The following TNS1 variants were observed in gnomAD, a reference collection of about 807,000 sequenced individuals.
TNS1 encodes the protein tensin 1.
TNS1 carries 62 observed loss-of-function variants against 168.6 expected under a neutral mutation model. The observed-to-expected ratio is 0.37, with a 90% CI of 0.30 to 0.45. The LOEUF is 0.45. TNS1 is among the 20% of genes least tolerant of loss of function. TNS1 has a pLI of 1.00. For synonymous variants in TNS1, 934 were observed against 933.2 expected (o/e 1.00, Z -0.02); for missense variants, 2,240 against 2,339.4 (o/e 0.96, Z 0.88).
At chr2:217,851,699 C>A (rs1236307117) in intron 18 of TNS1, among the ~76,000 whole-genome samples, 1 of 152,200 alleles carries the variant, frequency 6.6e-6, no homozygotes, top group Non-Finnish European at 1.5e-5. Flanking sequence ...TGTGCCTAGA[C>A]CCCTAAAGGC....
chr2:217,964,118 C>CA (rs1430466446), intron 3 of TNS1, among the ~76,000 whole-genome samples: 1 of 152,182 alleles, frequency 6.6e-6, no homozygotes, highest in Non-Finnish European at 1.5e-5. Flanking sequence ...TAAAGCAAAA[C>CA]ATGACAAGCC....
At position 217,813,387 on chromosome 2, in the gene TNS1, T is replaced by G. The variant is rs75274377; in HGVS notation, c.4862-80A>C. On this transcript the variant is annotated intron_variant, in intron 26 of 32. Transcript: ENST00000682258. The surrounding 1 kb of genome is among the most constrained non-coding windows in gnomAD (Gnocchi z 4.0). ...CACCTCCCAAGACTGCTTCAAAACT[T>G]CCGCAGTGTGCGGGGCCAAGATGGG... The G allele has an allele frequency of 4.8e-3, 5,908 of 1,241,702 alleles. 209 individuals are homozygous for G. In the African/African-American group the frequency reaches 0.079, roughly 17 times the overall value. The allele number at this position is 1,241,702 out of a possible 1,614,324, so 76.9% of individuals were successfully genotyped here. A position where few individuals can be genotyped will look rare whatever the true frequency, so the allele number is the denominator to read the frequency against.
chr2:217,848,435 A>G lies in TNS1; in HGVS notation c.2082T>C (p.Pro694=), dbSNP rs1385081216. ...TGGGGGCCGTGTGGCCAGCATGGGC[A>G]GGCCCCGCCCGGCTGGCAGACTCGT... ...YPYESASRAG[P]AHAGHTAPMR... The change falls in exon 19 of 33, where the codon CCT becomes CCC. Residue 694 remains proline, a synonymous_variant. Coordinates refer to ENST00000682258, the MANE Select transcript of TNS1 (RefSeq NM_001387777.1). 1 of 1,609,938 alleles carries G rather than the reference A, an allele frequency of 6.2e-7. No homozygotes were observed. Among genetic ancestry groups the G allele is most frequent in the East Asian group, 2.2e-5 (1 of 44,782 alleles).
intron 3 of TNS1, among the ~76,000 whole-genome samples, chr2:217,958,786 C>A (rs1957425881): frequency 6.6e-6 from 1 of 152,216 alleles, no homozygotes; most frequent in Non-Finnish European, 1.5e-5. Flanking sequence ...TGAGGCCCAG[C>A]AGATGGTGGG....
chr2:217,874,497 C>A (rs1950049344), intron 18 of TNS1, among the ~76,000 whole-genome samples: 1 of 152,106 alleles, frequency 6.6e-6, no homozygotes. Flanking sequence ...AAACTGAGAA[C>A]CAGAGAGGGG....
Position 217,932,342 on chromosome 2 carries a change from G to A in TNS1, c.187-12106C>T, listed in dbSNP as rs569025360. 4.6e-5 allele frequency among the ~76,000 whole-genome samples: 7 copies of A among 152,288 alleles called. No individual in the cohort carries two copies. In the East Asian group the frequency reaches 5.8e-4, roughly 13 times the overall value. The stretch of plus-strand genomic sequence containing the variant: ...TTGATACCTTATTTAACTTCCCTGC[G>A]TCTCAGTTTGCCCCTCTGTAAAATG... On this transcript the variant is annotated intron_variant, in intron 3 of 32. Coordinates refer to ENST00000682258, the MANE Select transcript of TNS1 (RefSeq NM_001387777.1).
At chr2:217,850,077 C>G in intron 18 of TNS1, 1 of 985,460 alleles carries the variant, frequency 1.0e-6, no homozygotes, top group Non-Finnish European at 1.2e-6. Flanking sequence ...ACCCCTCCAC[C>G]AGCAAGCTCA....
chr2:217,883,426 G>A (rs1043062031), intron 16 of TNS1, among the ~76,000 whole-genome samples: 7 of 151,990 alleles, frequency 4.6e-5, no homozygotes, highest in African/African-American at 1.2e-4. Context: ...CACCATGCCC[G>A]GCTAATTTTT....
intron 1 of TNS1, among the ~76,000 whole-genome samples, chr2:218,026,384 G>A (rs778197527): frequency 7.2e-5 from 11 of 152,158 alleles, no homozygotes; most frequent in Non-Finnish European, 1.6e-4. Flanking sequence ...AGGCTCCCGA[G>A]GAGTGGACGA....
chr2:217,903,657 A>G, intron 6 of TNS1: 1 of 1,473,552 alleles, frequency 6.8e-7, no homozygotes, highest in Non-Finnish European at 9.2e-7. Context: ...GAAATTCGAC[A>G]GCCTCCCAGA....
chr2:217,908,993 G>C (rs1954026559), intron 4 of TNS1, among the ~76,000 whole-genome samples: 1 of 152,022 alleles, frequency 6.6e-6, no homozygotes, highest in Non-Finnish European at 1.5e-5. Context: ...ACCCACTCAG[G>C]GTAAGTCAGA....
chr2:217,952,312 A>T (rs1460462158), intron 3 of TNS1, among the ~76,000 whole-genome samples: 1 of 152,244 alleles, frequency 6.6e-6, no homozygotes, highest in Non-Finnish European at 1.5e-5. Context: ...AGGTGAAGCC[A>T]CTTGTCCAAA....
chr2:218,004,499 A>G (rs536429836), upstream of TNS1, among the ~76,000 whole-genome samples: 1 of 152,250 alleles, frequency 6.6e-6, no homozygotes, highest in East Asian at 1.9e-4. Context: ...GGGACCACCC[A>G]AGACATCTAC....
At position 217,893,449 on chromosome 2, in the gene TNS1, A is replaced by G; in HGVS notation, c.707T>C (p.Leu236Pro). 1 of 1,605,984 alleles carries G rather than the reference A, an allele frequency of 6.2e-7. No individual in the cohort carries two copies. The highest frequency in any genetic ancestry group is 8.5e-7 in the Non-Finnish European group (1 of 1,174,748). ...ACACACAGCTCTGACCTTGTTGTGT[A>G]GAACAACGACATTGTGAGGGTCTGC... ...LNADPHNVVVLHNKGNRGRIG... is the reference protein window; with the variant it reads ...LNADPHNVVVPHNKGNRGRIG... The change falls in exon 10 of 33, where the codon CTA becomes CCA. Residue 236 changes from leucine to proline, a missense_variant. Leu to Pro is a moderately conservative substitution (Grantham distance 98). Transcript: ENST00000682258.
Position 217,998,274 on chromosome 2 carries a change from ATCTC to A in TNS1, c.33+4562_33+4565del, listed in dbSNP as rs140299202. Among the ~76,000 whole-genome samples the A allele has an allele frequency of 6.1e-3, 876 of 143,602 alleles. 10 individuals are homozygous for A. The highest frequency in any genetic ancestry group is 0.021 in the African/African-American group (815 of 38,612). 94.2% of individuals were successfully genotyped at this position (143,602 alleles called of 152,430 possible). A position where few individuals can be genotyped will look rare whatever the true frequency, so the allele number is the denominator to read the frequency against. On this transcript the variant is annotated intron_variant, in intron 1 of 32. Coordinates refer to ENST00000682258, the MANE Select transcript of TNS1 (RefSeq NM_001387777.1). ...AGCGAGATGAGTTCTCTCCATCAGC[ATCTC>A]TCTCTCTCTCTCTCTCCTCCTTCCT...
At position 217,802,574 on chromosome 2, in the gene TNS1, G is replaced by A. The variant is rs533082046; in HGVS notation, c.*1885C>T. 3 of 152,258 alleles carry A rather than the reference G, an allele frequency of 2.0e-5. No homozygotes were observed. Among genetic ancestry groups the A allele is most frequent in the Admixed American group, 2.0e-4 (3 of 15,278 alleles). The allele number at this position is 152,258 out of a possible 1,614,324, so 9.4% of individuals were successfully genotyped here. On this transcript the variant is annotated 3_prime_UTR_variant, in exon 33 of 33. Coordinates refer to ENST00000682258, the MANE Select transcript of TNS1 (RefSeq NM_001387777.1). ...GTAAGGGGGCCAAAGGCTGGGACAT[G>A]TGCAACCCCTCCCAATGCTGAGCCC...
rs1036957677 is a variant in TNS1, at chr2:217,995,091, G to A, written c.34-4035C>T. Among the ~76,000 whole-genome samples, 1 of 152,170 alleles carries A rather than the reference G, an allele frequency of 6.6e-6. No individual in the cohort carries two copies. The highest frequency in any genetic ancestry group is 2.4e-5 in the African/African-American group (1 of 41,436). On this transcript the variant is annotated intron_variant, in intron 1 of 32. Coordinates refer to ENST00000682258, the MANE Select transcript of TNS1 (RefSeq NM_001387777.1). This position sits in a 1 kb window ranked among gnomAD's most constrained non-coding sequence, Gnocchi z 4.1. Reference sequence around the variant, plus strand: ...GGGTGGGACTTGCAGATGATTCAGAGAGTGGAATGAATGAGGAGACATCAC... The same window carrying A: ...GGGTGGGACTTGCAGATGATTCAGAAAGTGGAATGAATGAGGAGACATCAC...
rs1559131611 is a variant in TNS1, at chr2:217,805,475, CCACACACACCA to C, written c.5376-883_5376-873del. Reference sequence around the variant, plus strand: ...ACCATCACACACACCACCACACACACCACACACACCACACACACACCACACACACCACCACA... The same window carrying C: ...ACCATCACACACACCACCACACACACCACACACACCACACACACCACCACA... On this transcript the variant is annotated intron_variant, in intron 32 of 32. Coordinates refer to ENST00000682258, the MANE Select transcript of TNS1 (RefSeq NM_001387777.1). 3.3e-3 allele frequency among the ~76,000 whole-genome samples: 153 copies of C among 46,118 alleles called. 2 individuals are homozygous for C. Among genetic ancestry groups the C allele is most frequent in the Non-Finnish European group, 5.2e-3 (122 of 23,434 alleles). The allele number at this position is 46,118 out of a possible 152,430, so 30.3% of individuals were successfully genotyped here.
exon 1 of TNS1, chr2:218,010,223 C>A: frequency 2.5e-6 from 1 of 398,802 alleles, no homozygotes; most frequent in Non-Finnish European, 4.4e-6. Flanking sequence ...GCGCCTGGGG[C>A]GCGAGGGTCG....
Sources: gnomAD v4.1 joint callset for allele counts (sites outside exome capture counted in the v4.1 genomes callset) on GRCh38, gnomAD v4.1.1 for gene constraint, Gnocchi (gnomAD v3.1) non-coding constraint, MANE v1.5 for transcripts, NCBI Gene and HGNC (gene_info 2026-07-23, HGNC 2026-07-21) for gene names.